Variants in CIB1 observed in about 807,000 individuals in gnomAD.
CIB1 encodes calcium and integrin-binding protein 1.
A neutral mutation model predicts 25.0 loss-of-function variants in CIB1; 19 were observed. The observed-to-expected ratio is 0.76, with a 90% CI of 0.53 to 1.12. CIB1 has a LOEUF of 1.12. CIB1 is among the 50% of genes most tolerant of loss of function. The pLI is 0.00. For synonymous variants in CIB1, 104 were observed against 98.5 expected (o/e 1.06, Z -0.33); for missense variants, 236 against 242.6 (o/e 0.97, Z 0.18).
chr15:90,232,070 C>A (rs1047408612), intron 3 of CIB1, 149 bp downstream of exon 3: 2 of 626,212 alleles, frequency 3.2e-6, no homozygotes, highest in East Asian at 2.7e-5. Context: ...TGGTAAAGTC[C>A]TTGCCCCTAG....
chr15:90,254,194 T>TTG, the CIB1 span, among the ~76,000 whole-genome samples: 1 of 98,232 alleles, frequency 1.0e-5, no homozygotes, highest in African/African-American at 4.8e-5. Flanking sequence ...CCCTGTTTTT[T>TTG]TTTTTTTTAA....
chr15:90,250,770 C>T, the CIB1 span: 6 of 1,614,122 alleles, frequency 3.7e-6, no homozygotes, highest in South Asian at 5.5e-5. Context: ...GACTATAAGG[C>T]ATTAAAAAAT....
chr15:90,256,579 TTCTTTCTTTCTTTCTTTC>T, the CIB1 span, among the ~76,000 whole-genome samples: 1 of 31,124 alleles, frequency 3.2e-5, no homozygotes, highest in African/African-American at 1.2e-4. Context: ...CTTTCTTTCT[TTCTTTCTTTCTTTCTTTC>T]TTTCTTTCTT....
At chr15:90,231,326 G>A (rs550044308) in intron 4 of CIB1, 31 bp downstream of exon 4, 43 of 1,611,262 alleles carry the variant, frequency 2.7e-5, no homozygotes, top group Admixed American at 8.3e-5. Flanking sequence ...GGGAAGGGGT[G>A]GTGTCCTGCC....
the CIB1 span, among the ~76,000 whole-genome samples, chr15:90,252,060 A>C: frequency 1.2e-5 from 1 of 83,868 alleles, no homozygotes; most frequent in East Asian, 1.6e-3. Context: ...TTTTTTTGAG[A>C]CCGAGTTTTG....
the CIB1 span, chr15:90,250,494 G>A: frequency 9.2e-7 from 1 of 1,083,102 alleles, no homozygotes. Context: ...GTTTTGTCCT[G>A]AAGGGGCAGC....
the CIB1 span, chr15:90,256,084 GC>G: frequency 6.3e-7 from 1 of 1,594,938 alleles, no homozygotes; most frequent in Non-Finnish European, 8.6e-7. Flanking sequence ...GCTCCATGCG[GC>G]CCCGGGAAAG....
chr15:90,262,261 C>G, the CIB1 span: 1 of 1,412,436 alleles, frequency 7.1e-7, no homozygotes, highest in Middle Eastern at 2.1e-4. Flanking sequence ...TGCTTCCCAG[C>G]AGGGAAAGAG....
the CIB1 span, chr15:90,243,007 G>A: frequency 1.4e-4 from 21 of 151,584 alleles, no homozygotes; most frequent in Admixed American, 2.6e-4. Flanking sequence ...ACCTCTCCCC[G>A]TTCTTGTTCA....
the CIB1 span, chr15:90,241,095 C>A: frequency 1.2e-6 from 2 of 1,614,182 alleles, no homozygotes; most frequent in Non-Finnish European, 8.5e-7. Flanking sequence ...TGATGCTGCA[C>A]TCTGCTCTGC....
the CIB1 span, chr15:90,259,152 C>T: frequency 1.0e-6 from 1 of 982,840 alleles, no homozygotes; most frequent in African/African-American, 1.7e-5. Context: ...TGCTTGAGCC[C>T]TAGAGTTCAA....
chr15:90,234,072 T>A, upstream of CIB1: 1 of 593,202 alleles, frequency 1.7e-6, no homozygotes, highest in South Asian at 2.4e-5. Flanking sequence ...AGCTGCCGGC[T>A]CCAAGCGGTC....
At position 90,233,887 on chromosome 15, in the gene CIB1, GC is replaced by G; in HGVS notation, c.-3del. The G allele has an allele frequency of 6.8e-7, 1 of 1,469,530 alleles. No individual in the cohort carries two copies. The highest frequency in any genetic ancestry group is 2.5e-5 in the Admixed American group (1 of 39,376). The allele number at this position is 1,469,530 out of a possible 1,614,324, so 91.0% of individuals were successfully genotyped here. On this transcript the variant is annotated 5_prime_UTR_variant, in exon 1 of 7. Coordinates refer to ENST00000328649, the MANE Select transcript of CIB1 (RefSeq NM_006384.4). ...CAGGCGACTGCCCGAGCCCCCCATC[GC>G]CCCGCCGCGCGCACAGCTCCGCCAA... is the stretch of plus-strand genomic sequence containing the variant.
intron 6 of CIB1, 22 bp downstream of exon 6, chr15:90,230,908 AGAAT>A: frequency 6.3e-7 from 1 of 1,596,548 alleles, no homozygotes; most frequent in Admixed American, 1.7e-5. Context: ...GCAGGTACCC[AGAAT>A]GAAGGGGGAC....
chr15:90,235,192 C>G (rs1461866991), upstream of CIB1, among the ~76,000 whole-genome samples: 5 of 152,150 alleles, frequency 3.3e-5, no homozygotes, highest in African/African-American at 1.2e-4. Context: ...CTACTTTACA[C>G]TGGAAGAATA....
At chr15:90,240,509 AAAAAAT>A in the CIB1 span, among the ~76,000 whole-genome samples, 4 of 151,446 alleles carry the variant, frequency 2.6e-5, 1 homozygote, top group Admixed American at 2.6e-4. Flanking sequence ...CTCTGTCTCA[AAAAAAT>A]AAAAATAAAT....
the CIB1 span, chr15:90,263,252 T>A: frequency 9.3e-7 from 1 of 1,074,100 alleles, no homozygotes; most frequent in Non-Finnish European, 1.3e-6. Context: ...TATCTGTCAG[T>A]GGAGCCTGGG....
At chr15:90,256,961 C>T in the CIB1 span, among the ~76,000 whole-genome samples, 8 of 152,186 alleles carry the variant, frequency 5.3e-5, no homozygotes, top group South Asian at 2.1e-4. Flanking sequence ...GCTGGGATTA[C>T]AGGCATGAGC....
At chr15:90,234,181 C>T, upstream of CIB1, 1 of 308,814 alleles carries the variant, frequency 3.2e-6, no homozygotes, top group Non-Finnish European at 6.0e-6. Context: ...GGGGGGCGGG[C>T]CACGCCGCGC....
Sources: gnomAD v4.1 joint callset for allele counts (sites outside exome capture counted in the v4.1 genomes callset) on GRCh38, gnomAD v4.1.1 for gene constraint, MANE v1.5 for transcripts, NCBI Gene and HGNC (gene_info 2026-07-23, HGNC 2026-07-21) for gene names.